WARS2: variants seen among roughly 807,000 people sequenced by gnomAD.
WARS2 encodes tryptophanyl tRNA synthetase 2, mitochondrial, also known as tryptophan--tRNA ligase, mitochondrial.
A neutral mutation model predicts 36.5 loss-of-function variants in WARS2; 28 were observed. The ratio of observed to expected loss-of-function variants is 0.77; its 90% CI spans 0.57 to 1.05. The LOEUF (loss-of-function observed/expected upper bound fraction) is 1.05. WARS2 is among the 50% of genes least tolerant of loss of function. The probability of loss-of-function intolerance (pLI) is 0.00; values close to 1 mark genes in which losing one functional copy is unlikely to be tolerated. For missense variants in WARS2, 435 were observed against 456.8 expected, an observed-to-expected ratio of 0.95 and a Z score of 0.44; for synonymous variants, 174 against 178.4, an observed-to-expected ratio of 0.98 and a Z score of 0.20.
intron 1 of WARS2, among the ~76,000 whole-genome samples, chr1:119,077,383 G>GT (rs898456862): frequency 3.9e-5 from 6 of 152,052 alleles, no homozygotes; most frequent in Non-Finnish European, 8.8e-5. Flanking sequence ...GGCCTCAAGG[G>GT]TTTTTCATGT....
intron 1 of WARS2, among the ~76,000 whole-genome samples, chr1:119,088,922 CT>C (rs1652856492): frequency 1.3e-5 from 2 of 152,152 alleles, no homozygotes; most frequent in Admixed American, 1.3e-4. Context: ...CTGATCTTTC[CT>C]ACCAGAAAGT....
At chr1:119,137,890 T>C (rs1467909007) in intron 1 of WARS2, among the ~76,000 whole-genome samples, 1 of 152,216 alleles carries the variant, frequency 6.6e-6, no homozygotes. Flanking sequence ...CCAACATTTT[T>C]ACCCAAGATT....
At chr1:119,084,801 G>C (rs2101371020) in intron 1 of WARS2, among the ~76,000 whole-genome samples, 1 of 152,208 alleles carries the variant, frequency 6.6e-6, no homozygotes, top group South Asian at 2.1e-4. Context: ...TCTGGTTCAG[G>C]GACAATGAAT....
intron 1 of WARS2, among the ~76,000 whole-genome samples, chr1:119,110,504 T>C (rs2101496931): frequency 6.6e-6 from 1 of 152,220 alleles, no homozygotes; most frequent in Non-Finnish European, 1.5e-5. Context: ...GTAATTCTTA[T>C]CTTTATTCCT....
chr1:119,085,864 C>A (rs762867465), intron 1 of WARS2: 190 of 1,610,316 alleles, frequency 1.2e-4, no homozygotes, highest in Non-Finnish European at 1.5e-4. Context: ...TCCTTGTACT[C>A]GGAGTGCCAG....
At chr1:119,049,279 C>A (rs1337168324) in intron 2 of WARS2, among the ~76,000 whole-genome samples, 2 of 152,056 alleles carry the variant, frequency 1.3e-5, no homozygotes, top group Admixed American at 1.3e-4. Context: ...CGGCCCAACT[C>A]CAGGGGAAAA....
chr1:119,041,303 C>T (rs12088290), intron 4 of WARS2, among the ~76,000 whole-genome samples: 4,665 of 152,214 alleles, frequency 0.031, 179 homozygotes, highest in African/African-American at 0.087. Flanking sequence ...GGCTTTATCT[C>T]TAGAAGGCCA....
At chr1:119,070,015 A>T (rs1651171604) in intron 2 of WARS2, among the ~76,000 whole-genome samples, 1 of 152,138 alleles carries the variant, frequency 6.6e-6, no homozygotes. Context: ...AAACCGTAAA[A>T]GCCCTGGCTT....
chr1:119,094,157 T>C (rs1240324360), intron 1 of WARS2, among the ~76,000 whole-genome samples: 1 of 152,244 alleles, frequency 6.6e-6, no homozygotes, highest in Non-Finnish European at 1.5e-5. Context: ...TTACTGCACA[T>C]AGTTGACTTT....
At chr1:119,062,095 T>G (rs148717010) in intron 2 of WARS2, among the ~76,000 whole-genome samples, 1 of 152,166 alleles carries the variant, frequency 6.6e-6, no homozygotes, top group African/African-American at 2.4e-5. Flanking sequence ...TAAGGGAGAT[T>G]GTACCACCCA....
At chr1:119,116,263 G>A (rs1388920060) in intron 1 of WARS2, among the ~76,000 whole-genome samples, 1 of 152,160 alleles carries the variant, frequency 6.6e-6, no homozygotes, top group Non-Finnish European at 1.5e-5. Flanking sequence ...ATGAGGAGGA[G>A]GGCTCAGCAT....
chr1:119,050,089 C>T (rs1040635301), intron 2 of WARS2, among the ~76,000 whole-genome samples: 3 of 152,196 alleles, frequency 2.0e-5, no homozygotes, highest in Non-Finnish European at 4.4e-5. Flanking sequence ...TCCTCCGTTT[C>T]AACTCTGTAA....
intron 1 of WARS2, among the ~76,000 whole-genome samples, chr1:119,109,171 G>A (rs1330488963): frequency 1.3e-5 from 2 of 151,938 alleles, no homozygotes; most frequent in Non-Finnish European, 2.9e-5. Context: ...GTAAGCTTAA[G>A]AAGATGTGTA....
chr1:119,106,262 A>C (rs1444990322), intron 1 of WARS2, among the ~76,000 whole-genome samples: 1 of 152,164 alleles, frequency 6.6e-6, no homozygotes, highest in Non-Finnish European at 1.5e-5. Context: ...CACTACTGGC[A>C]TCCCACACCA....
chr1:119,057,372 C>T (rs544029627), intron 2 of WARS2, among the ~76,000 whole-genome samples: 1 of 151,740 alleles, frequency 6.6e-6, no homozygotes, highest in South Asian at 2.1e-4. Context: ...TGTTGAACTC[C>T]TGATCTCGTG....
intron 4 of WARS2, among the ~76,000 whole-genome samples, chr1:119,041,919 C>T (rs1468174279): frequency 6.6e-6 from 1 of 152,144 alleles, no homozygotes; most frequent in East Asian, 1.9e-4. Flanking sequence ...ATTTCTCCAT[C>T]TGTAAAATCG....
At chr1:119,140,240 G>C (rs1656848022) in intron 1 of WARS2, 3 of 274,544 alleles carry the variant, frequency 1.1e-5, no homozygotes, top group South Asian at 1.7e-4. Context: ...ACCCGTCTCT[G>C]AAAACATCAC....
chr1:119,045,506 C>T, intron 3 of WARS2, 76 bp downstream of exon 3: 3 of 1,312,766 alleles, frequency 2.3e-6, no homozygotes, highest in East Asian at 2.5e-5. Context: ...GGAGAGTAAA[C>T]TCAGGATTCC....
chr1:119,072,305 C>G (rs1651387248), intron 2 of WARS2, among the ~76,000 whole-genome samples: 1 of 152,178 alleles, frequency 6.6e-6, no homozygotes, highest in South Asian at 2.1e-4. Flanking sequence ...TAGGTAAGCA[C>G]AGCTTCTACT....
Sources: allele counts gnomAD v4.1 joint callset (sites outside exome capture counted in the v4.1 genomes callset), GRCh38; gene constraint gnomAD v4.1.1; transcripts MANE v1.5; gene names NCBI Gene and HGNC (gene_info 2026-07-23, HGNC 2026-07-21).